Variants in HDDC2 observed in about 807,000 individuals in gnomAD.
The protein encoded by HDDC2 is 5'-deoxynucleotidase HDDC2.
In HDDC2, 25 loss-of-function variants were observed where a neutral mutation model predicts 25.5. The ratio of observed to expected loss-of-function variants is 0.98; its 90% CI spans 0.72 to 1.37. HDDC2 has a LOEUF of 1.37. Ranked by LOEUF, HDDC2 falls within the 40% of genes most tolerant of loss-of-function variation. The probability of loss-of-function intolerance (pLI) is 0.00; values close to 1 mark genes in which losing one functional copy is unlikely to be tolerated. For missense variants in HDDC2, 264 were observed against 253.1 expected (o/e 1.04, Z -0.29); for synonymous variants, 106 against 89.7 (o/e 1.18, Z -1.03).
rs547313822 is a variant in HDDC2, at chr6:125,279,807, A to C, written c.379-2567T>G. Among the ~76,000 whole-genome samples the C allele has an allele frequency of 7.9e-5, 12 of 152,350 alleles. No homozygotes were observed. The East Asian group carries it at 1.9e-3, about 24-fold the overall frequency. On this transcript the variant is annotated intron_variant, in intron 4 of 5. Coordinates refer to ENST00000398153, the MANE Select transcript of HDDC2 (RefSeq NM_016063.3). ...TATCCCATAAGATAAAAAGAATAAG[A>C]AGCAAAATAACATCTCACAGGCAAT...
chr6:125,294,259 G>C (rs924454166), intron 3 of HDDC2, among the ~76,000 whole-genome samples: 2 of 152,100 alleles, frequency 1.3e-5, no homozygotes, highest in South Asian at 4.1e-4. Flanking sequence ...AATAAAATTG[G>C]ACATTTGTGT....
At chr6:125,287,167 T>C (rs1798550596) in intron 4 of HDDC2, among the ~76,000 whole-genome samples, 1 of 151,838 alleles carries the variant, frequency 6.6e-6, no homozygotes, top group South Asian at 2.1e-4. Flanking sequence ...AAGAAAGAAA[T>C]GGAGGGGCAG....
At chr6:125,288,379 T>TC (rs1798575913) in intron 4 of HDDC2, among the ~76,000 whole-genome samples, 1 of 152,058 alleles carries the variant, frequency 6.6e-6, no homozygotes, top group Non-Finnish European at 1.5e-5. Flanking sequence ...GTGACCCCAG[T>TC]CCCCACGGCA....
At chr6:125,285,039 T>C (rs1414683307) in intron 4 of HDDC2, among the ~76,000 whole-genome samples, 1 of 151,948 alleles carries the variant, frequency 6.6e-6, no homozygotes, top group East Asian at 1.9e-4. Context: ...CTGGAAACCA[T>C]CATTCTCAGC....
intron 4 of HDDC2, among the ~76,000 whole-genome samples, chr6:125,283,744 G>A (rs139937727): frequency 0.019 from 2,926 of 152,202 alleles, 89 homozygotes; most frequent in African/African-American, 0.067. Flanking sequence ...ACTGCCCAAA[G>A]TAATTTATAT....
Position 125,301,482 on chromosome 6 carries a change from GCA to G in HDDC2, c.84+365_84+366del, listed in dbSNP as rs3839545. Reference sequence around the variant, plus strand: ...ACACACACGAGTTCTGGGGTCGTGAGCACACACACACACACACACACACACGA... The same window carrying G: ...ACACACACGAGTTCTGGGGTCGTGAGCACACACACACACACACACACACGA... On this transcript the variant is annotated intron_variant, in intron 1 of 5. Transcript: ENST00000398153. Among the ~76,000 whole-genome samples, 694 of 120,176 alleles carry G rather than the reference GCA, an allele frequency of 5.8e-3. 5 individuals are homozygous for G. The highest frequency in any genetic ancestry group is 7.6e-3 in the Admixed American group (93 of 12,242). 78.8% of individuals were successfully genotyped at this position (120,176 alleles called of 152,430 possible). A position where few individuals can be genotyped will look rare whatever the true frequency, so the allele number is the denominator to read the frequency against.
chr6:125,298,753 T>C lies in HDDC2; in HGVS notation c.270A>G (p.Ala90=). 1 of 1,614,176 alleles carries C rather than the reference T, an allele frequency of 6.2e-7. No individual in the cohort carries two copies. The change falls in exon 3 of 6, where the codon GCA becomes GCG. Residue 90 remains alanine (A), a synonymous_variant. Coordinates refer to ENST00000398153, the MANE Select transcript of HDDC2 (RefSeq NM_016063.3). ...GTTTTTCTTCTTTGGGGATGTTATC[T>C]GCTGGTGCTATGTCCCCAACGATGC... The part of the protein sequence containing the change: ...AECIVGDIAP[A]DNIPKEEKHR...
At chr6:125,299,226 T>G (rs896999297) in intron 2 of HDDC2, among the ~76,000 whole-genome samples, 2 of 152,016 alleles carry the variant, frequency 1.3e-5, no homozygotes, top group Non-Finnish European at 2.9e-5. Context: ...CTACTAAAAA[T>G]ACAAAAATTA....
At chr6:125,277,738 C>T (rs1008505408) in intron 4 of HDDC2, 1 of 153,256 alleles carries the variant, frequency 6.5e-6, no homozygotes, top group African/African-American at 2.4e-5. Flanking sequence ...TCTGTGCTTA[C>T]TTTCCACATA....
chr6:125,283,694 G>C (rs747634410), intron 4 of HDDC2, among the ~76,000 whole-genome samples: 27 of 152,152 alleles, frequency 1.8e-4, no homozygotes, highest in Non-Finnish European at 3.7e-4. Context: ...AACATTCCAT[G>C]CTCATAGATA....
At chr6:125,297,080 G>A (rs564837245) in intron 3 of HDDC2, among the ~76,000 whole-genome samples, 8 of 152,076 alleles carry the variant, frequency 5.3e-5, no homozygotes, top group South Asian at 2.1e-4. Context: ...ATGATTTCTC[G>A]TCCACAATGT....
intron 4 of HDDC2, among the ~76,000 whole-genome samples, chr6:125,289,092 CAAT>C (rs1374509238): frequency 2.5e-5 from 3 of 120,584 alleles, no homozygotes; most frequent in African/African-American, 1.2e-4. Flanking sequence ...AAATGTCCAA[CAAT>C]GATAGACTAG....
At position 125,276,062 on chromosome 6, in the gene HDDC2, C is replaced by A; in HGVS notation, c.*84G>T. 9.8e-7 allele frequency: 1 copy of A among 1,019,396 alleles called. No individual in the cohort carries two copies. The highest frequency in any genetic ancestry group is 1.5e-6 in the Non-Finnish European group (1 of 646,644). The allele number at this position is 1,019,396 out of a possible 1,614,324, so 63.1% of individuals were successfully genotyped here. A position where few individuals can be genotyped will look rare whatever the true frequency, so the allele number is the denominator to read the frequency against. On this transcript the variant is annotated 3_prime_UTR_variant, in exon 6 of 6. Transcript: ENST00000398153. ...CAAACAGACTCACATCTAGGGAAATCAACAGACCAACAATGGCAAAACACA... is the reference window on the plus strand; with the variant it reads ...CAAACAGACTCACATCTAGGGAAATAAACAGACCAACAATGGCAAAACACA...
At chr6:125,277,498 T>C in intron 4 of HDDC2, 1 of 393,858 alleles carries the variant, frequency 2.5e-6, no homozygotes, top group East Asian at 4.0e-5. Context: ...ATGTTCATCT[T>C]AGGTACTTTC....
Position 125,298,773 on chromosome 6 carries a change from C to A in HDDC2, c.250G>T (p.Val84Phe). Residue 84 changes from valine to phenylalanine, a missense_variant, in exon 3 of 6, where the codon GTT becomes TTT. Coordinates refer to ENST00000398153, the MANE Select transcript of HDDC2 (RefSeq NM_016063.3). ...ALVHDMAECI[V>F]GDIAPADNIP... ...TTATCTGCTGGTGCTATGTCCCCAA[C>A]GATGCATTCTGCCATATCATGAACC... is the stretch of plus-strand genomic sequence containing the variant. 1.2e-6 allele frequency: 2 copies of A among 1,614,118 alleles called. No individual in the cohort carries two copies. The highest frequency in any genetic ancestry group is 1.7e-6 in the Non-Finnish European group (2 of 1,180,012).
intron 1 of HDDC2, 42 bp from the exon 2 acceptor site, chr6:125,300,701 TA>T (rs747229496): frequency 6.3e-7 from 1 of 1,591,410 alleles, no homozygotes. Context: ...AAAGAACAAA[TA>T]TTAACTATCT....
At chr6:125,286,539 G>A (rs1003404068) in intron 4 of HDDC2, among the ~76,000 whole-genome samples, 1 of 152,082 alleles carries the variant, frequency 6.6e-6, no homozygotes, top group Non-Finnish European at 1.5e-5. Context: ...GTGGAAAAAA[G>A]GATACGCACC....
intron 4 of HDDC2, among the ~76,000 whole-genome samples, chr6:125,284,202 T>C (rs538069511): frequency 6.6e-6 from 1 of 152,190 alleles, no homozygotes; most frequent in South Asian, 2.1e-4. Flanking sequence ...CCTAAAACCA[T>C]AAAAACCCTA....
chr6:125,294,013 G>A (rs1798668608), intron 3 of HDDC2, among the ~76,000 whole-genome samples: 1 of 152,150 alleles, frequency 6.6e-6, no homozygotes, highest in African/African-American at 2.4e-5. Context: ...TTATCCTCCA[G>A]TCTTCTCCTT....
Sources: allele counts gnomAD v4.1 joint callset (sites outside exome capture counted in the v4.1 genomes callset), GRCh38; gene constraint gnomAD v4.1.1; transcripts MANE v1.5; gene names NCBI Gene and HGNC (gene_info 2026-07-23, HGNC 2026-07-21).